Variants in ROCK2 observed in about 807,000 individuals in gnomAD.
ROCK2 encodes the protein rho-associated protein kinase 2.
In ROCK2, 61 loss-of-function variants were observed where a neutral mutation model predicts 195.1. The ratio of observed to expected loss-of-function variants is 0.31; its 90% CI spans 0.25 to 0.39. The LOEUF is 0.39. Among genes scored for constraint, ROCK2 ranks in the 10% least tolerant of loss-of-function variants. The pLI is 1.00. For synonymous variants in ROCK2, 504 were observed against 545.5 expected, an observed-to-expected ratio of 0.92 and a Z score of 1.06; for missense variants, 1,109 against 1,637.4, an observed-to-expected ratio of 0.68 and a Z score of 5.57.
intron 1 of ROCK2, among the ~76,000 whole-genome samples, chr2:11,294,213 AGAAAG>A (rs979026997): frequency 1.3e-5 from 2 of 152,278 alleles, no homozygotes; most frequent in South Asian, 2.1e-4. Context: ...AAGAAAGGAA[AGAAAG>A]GAAAGAGCAA....
Position 11,198,750 on chromosome 2 carries a change from T to C in ROCK2, c.2935A>G (p.Thr979Ala). The change falls in exon 24 of 33, where the codon ACT (threonine) becomes GCT (alanine). Residue 979 changes from threonine (T) to alanine (A), a missense_variant. By Grantham distance (58) the Thr-to-Ala change is moderately conservative. Around this residue, in one of 6 missense-constraint regions of ROCK2, gnomAD observed 542 missense variants for 672.0 expected, o/e 0.81. Transcript: ENST00000315872. ...TTTGCAAGATTGGCAACATCACTAG[T>C]TAGTGTCCTATTAGTTTCCTCAAGC... ...ASLEETNRTLTSDVANLANEK... is the reference protein window; with the variant it reads ...ASLEETNRTLASDVANLANEK... 1 of 1,603,804 alleles carries C rather than the reference T, an allele frequency of 6.2e-7. No homozygotes were observed. Among genetic ancestry groups the C allele is most frequent in the Non-Finnish European group, 8.5e-7 (1 of 1,175,202 alleles).
rs62121402 is a variant in ROCK2 at position 11,225,296 on chromosome 2, A to G, written c.869-836T>C. Among the ~76,000 whole-genome samples the G allele has an allele frequency of 5.6e-3, 851 of 152,330 alleles. 5 individuals carry two copies. Among genetic ancestry groups the G allele is most frequent in the Non-Finnish European group, 8.0e-3 (544 of 68,022 alleles). On this transcript the variant is annotated intron_variant, in intron 6 of 32. Transcript: ENST00000315872. ...TTACAGGCTCTGCCAGTACACCTAC[A>G]CTACAAGTAACTTTAATGAAAACCT...
At chr2:11,223,769 G>C (rs1305741037) in intron 7 of ROCK2, among the ~76,000 whole-genome samples, 1 of 152,072 alleles carries the variant, frequency 6.6e-6, no homozygotes, top group Non-Finnish European at 1.5e-5. Context: ...ACAAAGAAGA[G>C]AAATCAAATA....
intron 9 of ROCK2, among the ~76,000 whole-genome samples, chr2:11,220,285 G>A (rs1321305644): frequency 2.0e-5 from 3 of 152,028 alleles, no homozygotes; most frequent in African/African-American, 7.3e-5. Flanking sequence ...CCAAAGTGCT[G>A]GGATTACAGG....
intron 1 of ROCK2, among the ~76,000 whole-genome samples, chr2:11,328,298 C>G (rs1668608370): frequency 6.6e-6 from 1 of 151,756 alleles, no homozygotes; most frequent in African/African-American, 2.4e-5. Context: ...AAATAATATG[C>G]TACATTTGGG....
chr2:11,329,062 TATA>T (rs770352527), intron 1 of ROCK2, among the ~76,000 whole-genome samples: 12 of 149,858 alleles, frequency 8.0e-5, no homozygotes, highest in African/African-American at 1.5e-4. Context: ...AAACTTAAAG[TATA>T]ATAATAATTT....
At chr2:11,241,523 TAAGCC>T (rs1464259267) in intron 4 of ROCK2, among the ~76,000 whole-genome samples, 1 of 152,130 alleles carries the variant, frequency 6.6e-6, no homozygotes, top group Admixed American at 6.5e-5. Context: ...CCAAGCAAGG[TAAGCC>T]AAGCTAATTA....
intron 1 of ROCK2, among the ~76,000 whole-genome samples, chr2:11,324,147 T>G (rs1167587430): frequency 7.9e-5 from 12 of 152,168 alleles, no homozygotes; most frequent in Non-Finnish European, 7.3e-5. Context: ...AGTTAAAAAC[T>G]TATGTTCAGC....
intron 3 of ROCK2, among the ~76,000 whole-genome samples, chr2:11,262,680 A>G (rs558203996): frequency 8.6e-4 from 131 of 152,198 alleles, no homozygotes; most frequent in African/African-American, 2.5e-3. Context: ...ATGATTGTGA[A>G]GCCTCCCCAG....
chr2:11,218,356 T>A, intron 11 of ROCK2, 99 bp downstream of exon 11: 1 of 793,452 alleles, frequency 1.3e-6, no homozygotes, highest in Non-Finnish European at 2.0e-6. Flanking sequence ...TGGGTAGATG[T>A]AGTACTCCAA....
intron 30 of ROCK2, among the ~76,000 whole-genome samples, chr2:11,193,027 T>C (rs1323242069): frequency 1.3e-5 from 2 of 152,142 alleles, no homozygotes; most frequent in Admixed American, 6.5e-5. Context: ...ACTTCATAGG[T>C]GTTAGGAAGT....
rs181924162 is a variant in ROCK2 at position 11,293,141 on chromosome 2, A to G, written c.142-5405T>C. ...ACAAATACACAGATGTGTTTTATAA[A>G]GAGATAATAAAGTAAAGGAAGTCTA... On this transcript the variant is annotated intron_variant, in intron 1 of 32. Transcript: ENST00000315872. 9.8e-5 allele frequency among the ~76,000 whole-genome samples: 15 copies of G among 152,340 alleles called. No individual in the cohort carries two copies. In the East Asian group the frequency reaches 2.9e-3, roughly 29 times the overall value.
chr2:11,311,858 C>G (rs10203916), intron 1 of ROCK2, among the ~76,000 whole-genome samples: 1 of 152,134 alleles, frequency 6.6e-6, no homozygotes, highest in East Asian at 1.9e-4. Flanking sequence ...GATATCAAGA[C>G]GGGGGATTTC....
chr2:11,273,472 T>C (rs562994936), intron 3 of ROCK2, among the ~76,000 whole-genome samples: 34 of 152,274 alleles, frequency 2.2e-4, no homozygotes, highest in Middle Eastern at 3.4e-3. Flanking sequence ...CAAACATTTA[T>C]AGACCTAGTA....
intron 1 of ROCK2, among the ~76,000 whole-genome samples, chr2:11,331,928 A>G (rs1221633601): frequency 6.6e-6 from 1 of 152,158 alleles, no homozygotes; most frequent in Non-Finnish European, 1.5e-5. Flanking sequence ...TGTCTCAACA[A>G]CAACAACAAC....
intron 3 of ROCK2, among the ~76,000 whole-genome samples, chr2:11,260,214 G>C (rs1439017551): frequency 6.6e-6 from 1 of 151,174 alleles, no homozygotes; most frequent in Non-Finnish European, 1.5e-5. Context: ...TTGGGAGGCT[G>C]AGGCAGGTGT....
intron 30 of ROCK2, 109 bp downstream of exon 30, chr2:11,193,670 G>A (rs1250075669): frequency 1.8e-6 from 1 of 552,446 alleles, no homozygotes; most frequent in East Asian, 3.3e-5. Flanking sequence ...GTAACCTGAA[G>A]AGGGTCAAAG....
In ROCK2 at chr2:11,201,362, T is replaced by G; in HGVS notation, c.2671A>C (p.Thr891Pro). ...RELKEECEEK[T>P]KLGKELQQKK... ...TGCTGCAATTCTTTACCAAGTTTGG[T>G]CTTTTCTTCACATTCTTCTTTAAGC... Residue 891 changes from threonine (T) to proline (P), a missense_variant, in exon 22 of 33, where the codon ACC becomes CCC. Coordinates refer to ENST00000315872, the MANE Select transcript of ROCK2 (RefSeq NM_004850.5). The surrounding 1 kb of genome is among the most constrained non-coding windows in gnomAD (Gnocchi z 4.6). 1 of 1,613,332 alleles carries G rather than the reference T, an allele frequency of 6.2e-7. No homozygotes were observed.
intron 5 of ROCK2, among the ~76,000 whole-genome samples, chr2:11,234,972 CA>C (rs1665151126): frequency 6.6e-6 from 1 of 151,954 alleles, no homozygotes. Flanking sequence ...AAAAAACATA[CA>C]AAAGATGAAA....
Sources: gnomAD v4.1 joint callset for allele counts (sites outside exome capture counted in the v4.1 genomes callset) on GRCh38, gnomAD v4.1.1 for gene constraint, gnomAD v4.1.1 regional missense constraint, Gnocchi (gnomAD v3.1) non-coding constraint, MANE v1.5 for transcripts, NCBI Gene and HGNC (gene_info 2026-07-23, HGNC 2026-07-21) for gene names.